The following SON variants were observed in gnomAD, a reference collection of about 807,000 sequenced individuals.
SON encodes SON DNA and RNA binding protein.
A neutral mutation model predicts 173.3 loss-of-function variants in SON; 4 were observed. The observed-to-expected ratio is 0.02, with a 90% confidence interval of 0.01 to 0.05. SON has a LOEUF of 0.05. Among genes scored for constraint, SON ranks in the 10% least tolerant of loss-of-function variants. The pLI, the probability that SON is intolerant of heterozygous loss-of-function variation, is 1.00. For missense variants in SON, 2,626 were observed against 3,055.3 expected, an observed-to-expected ratio of 0.86 and a Z score of 3.31; for synonymous variants, 1,190 against 1,105.9, an observed-to-expected ratio of 1.08 and a Z score of -1.51.
chr21:33,553,350 G>A lies in SON; in HGVS notation c.4119G>A (p.Val1373=), dbSNP rs182885733. 6.3e-7 allele frequency: 1 copy of A among 1,585,576 alleles called. No individual in the cohort carries two copies. Among genetic ancestry groups the A allele is most frequent in the Non-Finnish European group, 8.6e-7 (1 of 1,157,096 alleles). Residue 1373 remains valine (V), a synonymous_variant, in exon 3 of 12, where the codon GTG becomes GTA. Transcript: ENST00000356577. ...SAVTVLESST[V]TVLESSTVTV... ...TGACCGTCCTGGAGTCTTCGACTGT[G>A]ACTGTCCTGGAGTCTTCGACTGTAA... is the stretch of plus-strand genomic sequence containing the variant.
rs2085765350 is a variant in SON, at chr21:33,550,968, T to G, written c.1737T>G (p.Thr579=). 5 of 1,603,966 alleles carry G rather than the reference T, an allele frequency of 3.1e-6. No individual in the cohort carries two copies. The East Asian group carries it at 1.1e-4, about 36-fold the overall frequency. The change falls in exon 3 of 12, where the codon ACT becomes ACG. Residue 579 remains threonine, a synonymous_variant. Coordinates refer to ENST00000356577, the MANE Select transcript of SON (RefSeq NM_138927.4). ...AGTTGCCAGGGCTGCCTTCGGCAAC[T>G]AGGGCACTGGAGTTGTCGGGGCAGC... The part of the protein sequence containing the change: ...VPELPGLPSA[T]RALELSGQPV...
rs750522335 is a variant in SON at position 33,559,652 on chromosome 21, A to G, written c.6534A>G (p.Ser2178=). 6.2e-7 allele frequency: 1 copy of G among 1,614,174 alleles called. No homozygotes were observed. The highest frequency in any genetic ancestry group is 8.5e-7 in the Non-Finnish European group (1 of 1,180,000). ...QVTLTKEFPV[S]SGSQHRKKEA... ...CATTAACAAAAGAATTCCCTGTATC[A>G]TCTGGATCTCAACATCGGAAAAAAG... The change falls in exon 6 of 12, where the codon TCA becomes TCG. Residue 2178 remains serine, a synonymous_variant. Transcript: ENST00000356577. This position sits in a 1 kb window ranked among gnomAD's most constrained non-coding sequence, Gnocchi z 4.1.
chr21:33,543,939 C>A (rs997584371), intron 1 of SON, among the ~76,000 whole-genome samples: 4 of 152,198 alleles, frequency 2.6e-5, no homozygotes, highest in African/African-American at 9.7e-5. Context: ...TTGCGCTTGG[C>A]TTCACAAAAT....
chr21:33,547,613 C>G (rs905894648), intron 2 of SON, among the ~76,000 whole-genome samples: 20 of 146,052 alleles, frequency 1.4e-4, no homozygotes, highest in African/African-American at 4.7e-4. Flanking sequence ...TATGACTTAT[C>G]TAACATTTTG....
intron 1 of SON, chr21:33,543,530 T>G: frequency 1.6e-5 from 2 of 121,796 alleles, no homozygotes; most frequent in Non-Finnish European, 1.4e-5. Context: ...CCGCCGCGTA[T>G]CCCCTCCCCC....
intron 6 of SON, chr21:33,560,009 A>G (rs752580570): frequency 6.2e-7 from 1 of 1,614,240 alleles, no homozygotes; most frequent in Non-Finnish European, 8.5e-7. Context: ...TGCAGAGAAC[A>G]GTGTTATCAC....
Position 33,552,945 on chromosome 21 carries a change from A to G in SON, c.3714A>G (p.Ser1238=), listed in dbSNP as rs1259897645. Residue 1238 remains serine, a synonymous_variant, in exon 3 of 12, where the codon TCA becomes TCG. Transcript: ENST00000356577. This position sits in a 1 kb window ranked among gnomAD's most constrained non-coding sequence, Gnocchi z 5.6. ...TDYSVSASDP[S]VLVSEAAVTV... ...ATTCAGTGTCAGCATCAGATCCCTC[A>G]GTTTTAGTATCAGAGGCTGCTGTGA... is the stretch of plus-strand genomic sequence containing the variant. The G allele has an allele frequency of 6.2e-7, 1 of 1,614,184 alleles. No homozygotes were observed. The highest frequency in any genetic ancestry group is 1.3e-5 in the African/African-American group (1 of 75,048).
At chr21:33,543,291 G>T in intron 1 of SON, 122 bp downstream of exon 1, 1 of 908,676 alleles carries the variant, frequency 1.1e-6, no homozygotes, top group South Asian at 1.4e-5. Flanking sequence ...GGCCCCGCCT[G>T]GGCCTGGGAT....
At position 33,555,045 on chromosome 21, in the gene SON, A is replaced by G. The variant is rs1334978111; in HGVS notation, c.5814A>G (p.Arg1938=). Residue 1938 remains arginine (R), a synonymous_variant, in exon 3 of 12, where the codon CGA becomes CGG. Transcript: ENST00000356577. ...RSRSHTPSRR[R]RSRSVGRRRS... is the part of the protein sequence containing the mutation. The stretch of plus-strand genomic sequence containing the variant: ...GGAGTCATACTCCAAGTCGTCGACG[A>G]AGGTCTAGATCTGTGGGTAGAAGAA... 9 of 1,612,886 alleles carry G rather than the reference A, an allele frequency of 5.6e-6. No homozygotes were observed. The East Asian group carries it at 2.0e-4, about 36-fold the overall frequency.
Position 33,552,033 on chromosome 21 carries a change from C to T in SON, c.2802C>T (p.Pro934=), listed in dbSNP as rs1473400271. The T allele has an allele frequency of 2.5e-6, 4 of 1,614,028 alleles. No individual in the cohort carries two copies. Among genetic ancestry groups the T allele is most frequent in the East Asian group, 4.5e-5 (2 of 44,872 alleles). ...AQDPYRLGHD[P]YRLGHDAYRL... is the part of the protein sequence containing the mutation. ...ATCCCTATAGGTTGGGCCATGACCC[C>T]TATAGATTAGGTCATGATGCTTACA... is the stretch of plus-strand genomic sequence containing the variant. The change falls in exon 3 of 12, where the codon CCC becomes CCT. Residue 934 remains proline (P), a synonymous_variant. Coordinates refer to ENST00000356577, the MANE Select transcript of SON (RefSeq NM_138927.4). This position sits in a 1 kb window ranked among gnomAD's most constrained non-coding sequence, Gnocchi z 5.6.
chr21:33,558,641 C>T (rs1265627954), intron 4 of SON: 2 of 152,328 alleles, frequency 1.3e-5, no homozygotes, highest in Non-Finnish European at 2.9e-5. Flanking sequence ...CCATCTTCAG[C>T]CTTCTTGTCC....
Position 33,552,933 on chromosome 21 carries a change from A to G in SON, c.3702A>G (p.Ala1234=). The change falls in exon 3 of 12, where the codon GCA becomes GCG. Residue 1234 remains alanine, a synonymous_variant. Transcript: ENST00000356577. The surrounding 1 kb of genome is among the most constrained non-coding windows in gnomAD (Gnocchi z 5.6). ...SAVPTDYSVS[A]SDPSVLVSEA... is the part of the protein sequence containing the mutation. ...TGCCTACTGATTATTCAGTGTCAGCATCAGATCCCTCAGTTTTAGTATCAG... is the reference window on the plus strand; with the variant it reads ...TGCCTACTGATTATTCAGTGTCAGCGTCAGATCCCTCAGTTTTAGTATCAG... 1.2e-6 allele frequency: 2 copies of G among 1,614,200 alleles called. No homozygotes were observed. The highest frequency in any genetic ancestry group is 1.7e-6 in the Non-Finnish European group (2 of 1,180,024).
chr21:33,550,855 G>A lies in SON; in HGVS notation c.1624G>A (p.Ala542Thr). 6.2e-7 allele frequency: 1 copy of A among 1,613,444 alleles called. No individual in the cohort carries two copies. The highest frequency in any genetic ancestry group is 8.5e-7 in the Non-Finnish European group (1 of 1,179,500). The part of the protein sequence containing the change: ...TATGLLGQPE[A>T]TMVLELPGQP... ...AACAGGGTTGCTGGGGCAGCCTGAG[G>A]CAACGATGGTGCTGGAGTTGCCAGG... The change falls in exon 3 of 12, where the codon GCA becomes ACA. Residue 542 changes from alanine to threonine, a missense_variant. Ala to Thr is a moderately conservative substitution (Grantham distance 58). This residue lies in a region of SON where 757 missense variants were observed against 730.1 expected (regional missense o/e 1.04). Transcript: ENST00000356577.
In SON at chr21:33,577,299, A is replaced by AACTT. The variant is rs889950116; in HGVS notation, c.*877_*880dup. ...AAATGATAATTAAAATGCTGTAACC[A>AACTT]ACTTATCTAATAAAATTGGCAACCA... On this transcript the variant is annotated 3_prime_UTR_variant, in exon 12 of 12. Coordinates refer to ENST00000356577, the MANE Select transcript of SON (RefSeq NM_138927.4). The AACTT allele has an allele frequency of 1.3e-5, 2 of 152,630 alleles. No homozygotes were observed. Among genetic ancestry groups the AACTT allele is most frequent in the Admixed American group, 1.3e-4 (2 of 15,268 alleles). The allele number at this position is 152,630 out of a possible 1,614,324, so 9.5% of individuals were successfully genotyped here. A position where few individuals can be genotyped will look rare whatever the true frequency, so the allele number is the denominator to read the frequency against.
intron 4 of SON, 109 bp downstream of exon 4, chr21:33,557,425 C>G (rs1018791898): frequency 2.0e-6 from 3 of 1,537,380 alleles, no homozygotes; most frequent in African/African-American, 2.8e-5. Flanking sequence ...TGGCTGGCAC[C>G]GAGTGGCCAA....
At chr21:33,549,297 A>G (rs2085697432) in intron 2 of SON, among the ~76,000 whole-genome samples, 179 bp from the exon 3 acceptor site, 1 of 151,870 alleles carries the variant, frequency 6.6e-6, no homozygotes, top group Admixed American at 6.6e-5. Context: ...CTGGTTTTGA[A>G]CTCCTGACCT....
intron 1 of SON, 78 bp from the exon 2 acceptor site, chr21:33,546,135 G>A: frequency 1.6e-6 from 2 of 1,241,710 alleles, no homozygotes; most frequent in Non-Finnish European, 2.3e-6. Context: ...TACAACATAT[G>A]ATTATTGTAA....
At chr21:33,566,849 G>C (rs1246261258) in intron 6 of SON, among the ~76,000 whole-genome samples, 1 of 152,086 alleles carries the variant, frequency 6.6e-6, no homozygotes, top group Non-Finnish European at 1.5e-5. Context: ...AGAGTAGCGA[G>C]TTTTAAGTTC....
At chr21:33,555,679 A>G (rs1235066609) in intron 3 of SON, among the ~76,000 whole-genome samples, 4 of 152,228 alleles carry the variant, frequency 2.6e-5, no homozygotes, top group Non-Finnish European at 4.4e-5. Flanking sequence ...TGAAAGCAGA[A>G]ACAGATGTAG....
Sources: gnomAD v4.1 joint callset for allele counts (sites outside exome capture counted in the v4.1 genomes callset) on GRCh38, gnomAD v4.1.1 for gene constraint, gnomAD v4.1.1 regional missense constraint, Gnocchi (gnomAD v3.1) non-coding constraint, MANE v1.5 for transcripts, NCBI Gene and HGNC (gene_info 2026-07-23, HGNC 2026-07-21) for gene names.